The following LMLN variants were observed in gnomAD, a reference collection of about 807,000 sequenced individuals.
LMLN encodes the protein leishmanolysin like peptidase.
Under a neutral mutation model 92.3 loss-of-function variants are expected in LMLN, and 70 were observed. That is an observed-to-expected ratio of 0.76 (90% CI 0.63 to 0.92). The LOEUF (loss-of-function observed/expected upper bound fraction) is 0.92, where lower values mean the gene tolerates loss of function less well. Among genes scored for constraint, LMLN ranks in the 40% least tolerant of loss-of-function variants. LMLN has a pLI of 0.00. For synonymous variants in LMLN, 308 were observed against 296.2 expected (o/e 1.04, Z -0.41); for missense variants, 691 against 814.6 (o/e 0.85, Z 1.85).
rs1723076686 is a variant in LMLN, at chr3:198,031,456, T to G, written c.1657-4377T>G. On this transcript the variant is annotated intron_variant, in intron 14 of 15. Coordinates refer to ENST00000330198, the Ensembl canonical transcript of LMLN. The surrounding 1 kb of genome is among the most constrained non-coding windows in gnomAD (Gnocchi z 4.8). ...GTTGAAGTCCCTTTAGCTGGAAACCTTTGTGCCAAAACAGCACATTTTGGG... is the reference window on the plus strand; with the variant it reads ...GTTGAAGTCCCTTTAGCTGGAAACCGTTGTGCCAAAACAGCACATTTTGGG... 6.6e-6 allele frequency among the ~76,000 whole-genome samples: 1 copy of G among 152,206 alleles called. No homozygotes were observed. Among genetic ancestry groups the G allele is most frequent in the Admixed American group, 6.5e-5 (1 of 15,284 alleles).
At chr3:198,006,413 T>C (rs1186402073) in intron 11 of LMLN, among the ~76,000 whole-genome samples, 1 of 152,212 alleles carries the variant, frequency 6.6e-6, no homozygotes, top group African/African-American at 2.4e-5. Context: ...ACATATATCT[T>C]TATTTCTCCA....
chr3:198,035,389 A>G (rs1239973162), intron 14 of LMLN, among the ~76,000 whole-genome samples: 11 of 118,034 alleles, frequency 9.3e-5, no homozygotes, highest in African/African-American at 3.7e-4. Context: ...TTTGACACGG[A>G]GTCTCGCTCT....
intron 8 of LMLN, among the ~76,000 whole-genome samples, chr3:197,988,384 A>C (rs1258108549): frequency 6.6e-6 from 1 of 151,246 alleles, no homozygotes. Flanking sequence ...TTATAGCTTC[A>C]ATGCATTTGA....
chr3:198,019,359 C>T lies in LMLN; in HGVS notation c.1339C>T (p.Pro447Ser). 1 of 1,613,976 alleles carries T rather than the reference C, an allele frequency of 6.2e-7. No homozygotes were observed. Among genetic ancestry groups the T allele is most frequent in the South Asian group, 1.1e-5 (1 of 91,048 alleles). ...TGCCGTGTGTAATTTGCAGAAGTTC[C>T]CTAAGCCTTTACCACAGGAATACCA... The change falls in exon 12 of 16, where the codon CCT becomes TCT. Residue 447 changes from proline to serine, a missense_variant. Coordinates refer to ENST00000330198, the Ensembl canonical transcript of LMLN. This position sits in a 1 kb window ranked among gnomAD's most constrained non-coding sequence, Gnocchi z 5.5.
At position 198,011,685 on chromosome 3, in the gene LMLN, T is replaced by C. The variant is rs567698897; in HGVS notation, c.1233-7568T>C. Among the ~76,000 whole-genome samples the C allele has an allele frequency of 8.5e-4, 129 of 151,648 alleles. 1 individual carries two copies. In the East Asian group the frequency reaches 0.024, roughly 28 times the overall value. ...AATGGTATTTCTAGTTCTAGATCCC[T>C]GAGGAATCGCCACACTGACTTCCAC... On this transcript the variant is annotated intron_variant, in intron 11 of 15. Coordinates refer to ENST00000330198, the Ensembl canonical transcript of LMLN.
intron 15 of LMLN, 138 bp from the exon 17 acceptor site, chr3:198,038,429 G>T: frequency 1.6e-6 from 1 of 636,390 alleles, no homozygotes; most frequent in Non-Finnish European, 2.8e-6. Flanking sequence ...TTATACCTGG[G>T]TTTTGCTCTT....
At chr3:198,000,040 A>G (rs1204831632) in intron 11 of LMLN, among the ~76,000 whole-genome samples, 3 of 152,230 alleles carry the variant, frequency 2.0e-5, no homozygotes, top group Non-Finnish European at 2.9e-5. Context: ...TTTCAGGTAA[A>G]GCCATGAAAT....
intron 1 of LMLN, among the ~76,000 whole-genome samples, chr3:197,970,081 G>A (rs1465059686): frequency 6.6e-6 from 1 of 152,056 alleles, no homozygotes; most frequent in African/African-American, 2.4e-5. Context: ...GAACCCAGGA[G>A]GCGGAGGTTG....
chr3:198,035,828 T>G lies in LMLN; in HGVS notation c.1657-5T>G. The G allele has an allele frequency of 6.2e-7, 1 of 1,610,260 alleles. No homozygotes were observed. ...TTTATATATCTATTTTTTTCCTGTT[T>G]GAAGGTTTCTTGTTCTCCTCAAGGT... On this transcript the variant is annotated splice_region_variant and splice_polypyrimidine_tract_variant and intron_variant, in intron 14 of 15. Coordinates refer to ENST00000330198, the Ensembl canonical transcript of LMLN.
chr3:197,985,287 C>T (rs1001573777), intron 7 of LMLN, among the ~76,000 whole-genome samples: 2 of 151,808 alleles, frequency 1.3e-5, no homozygotes, highest in African/African-American at 4.8e-5. Flanking sequence ...GGCGCGGTGG[C>T]TCTCGCCTGT....
intron 6 of LMLN, 126 bp downstream of exon 6, chr3:197,980,630 G>A (rs1334795476): frequency 2.3e-6 from 2 of 887,300 alleles, no homozygotes; most frequent in South Asian, 1.6e-5. Context: ...GACAGGAATA[G>A]CATGCTGCCT....
At chr3:198,006,185 G>C (rs1456000731) in intron 11 of LMLN, among the ~76,000 whole-genome samples, 2 of 152,116 alleles carry the variant, frequency 1.3e-5, no homozygotes, top group African/African-American at 4.8e-5. Flanking sequence ...GTGAACTTTT[G>C]AGCGTGGCTT....
chr3:197,994,108 A>T (rs1721955586), intron 9 of LMLN, among the ~76,000 whole-genome samples: 1 of 152,244 alleles, frequency 6.6e-6, no homozygotes, highest in Non-Finnish European at 1.5e-5. Context: ...CACCATATAT[A>T]CAAAAACCAA....
chr3:197,961,283 C>A (rs1196612035), intron 1 of LMLN, among the ~76,000 whole-genome samples: 1 of 152,134 alleles, frequency 6.6e-6, no homozygotes, highest in Non-Finnish European at 1.5e-5. Flanking sequence ...GTATTTAGGT[C>A]AGAGGTGGGT....
At chr3:197,961,094 A>G (rs1357113843) in intron 1 of LMLN, among the ~76,000 whole-genome samples, 6 of 152,230 alleles carry the variant, frequency 3.9e-5, no homozygotes, top group African/African-American at 1.4e-4. Context: ...GCCTGCTGAA[A>G]CCACCACAGC....
At chr3:197,966,094 G>T (rs7616366) in intron 1 of LMLN, among the ~76,000 whole-genome samples, 9 of 152,150 alleles carry the variant, frequency 5.9e-5, no homozygotes, top group Non-Finnish European at 1.0e-4. Context: ...CCAGGCTGGA[G>T]TGCAGTGACA....
chr3:198,027,107 A>G (rs1377077336), intron 14 of LMLN, among the ~76,000 whole-genome samples: 2 of 152,114 alleles, frequency 1.3e-5, no homozygotes, highest in Non-Finnish European at 2.9e-5. Context: ...TCACATATGT[A>G]CTTCCTTCAC....
chr3:198,021,602 C>G, exon 13 of LMLN: 1 of 1,613,160 alleles, frequency 6.2e-7, no homozygotes, highest in Admixed American at 1.7e-5. Context: ...GGAAAATCAA[C>G]CAGGTTAGTC....
chr3:198,022,849 A>T (rs1581176804), intron 13 of LMLN, among the ~76,000 whole-genome samples: 1 of 152,296 alleles, frequency 6.6e-6, no homozygotes, highest in Admixed American at 6.5e-5. Flanking sequence ...ACACAGTGAG[A>T]CCCCATGTCA....
Sources: allele counts gnomAD v4.1 joint callset (sites outside exome capture counted in the v4.1 genomes callset), GRCh38; gene constraint gnomAD v4.1.1; non-coding constraint Gnocchi (gnomAD v3.1); transcripts MANE v1.5; gene names NCBI Gene and HGNC (gene_info 2026-07-23, HGNC 2026-07-21).